The following KIF26A variants were observed in gnomAD, a reference collection of about 807,000 sequenced individuals.
KIF26A encodes the protein kinesin family member 26A, also known as kinesin-like protein KIF26A.
In KIF26A, 74 loss-of-function variants were observed where a neutral mutation model predicts 126.0. The ratio of observed to expected loss-of-function variants is 0.59; its 90% CI spans 0.49 to 0.71. The LOEUF (loss-of-function observed/expected upper bound fraction) is 0.71, where lower values mean the gene tolerates loss of function less well. KIF26A is among the 30% of genes least tolerant of loss of function. The probability of loss-of-function intolerance (pLI) is 0.00; values close to 1 mark genes in which losing one functional copy is unlikely to be tolerated. For synonymous variants in KIF26A, 1,445 were observed against 1,232.7 expected (o/e 1.17, Z -3.61); for missense variants, 2,984 against 2,763.3 (o/e 1.08, Z -1.79).
chr14:104,159,302 G>C (rs1025741749), intron 4 of KIF26A, among the ~76,000 whole-genome samples: 21 of 152,388 alleles, frequency 1.4e-4, no homozygotes, highest in African/African-American at 5.0e-4. Flanking sequence ...TAAAGGGCCT[G>C]TGCGGCTGTT....
In KIF26A at chr14:104,172,782, C is replaced by T. The variant is rs568024929; in HGVS notation, c.1420+114C>T. The T allele has an allele frequency of 2.1e-4, 226 of 1,069,914 alleles. 2 individuals are homozygous for T. In the Middle Eastern group the frequency reaches 3.6e-3, roughly 17 times the overall value. The allele number at this position is 1,069,914 out of a possible 1,614,324, so 66.3% of individuals were successfully genotyped here. A position where few individuals can be genotyped will look rare whatever the true frequency, so the allele number is the denominator to read the frequency against. ...AAGGAGGCTGGTCCTACACATGGGC[C>T]GTGGTGGGCATATGGGGTGAGGGGC... On this transcript the variant is annotated intron_variant, in intron 7 of 14. Coordinates refer to ENST00000423312, the MANE Select transcript of KIF26A (RefSeq NM_015656.2).
In KIF26A at chr14:104,179,366, C is replaced by T. The variant is rs372414948; in HGVS notation, c.5447C>T (p.Pro1816Leu). ...ACCCAGGGCCGGCTGATGCTGGAGC[C>T]TGGCCGCTGGCTGGAGCAGTGTGAG... ...AETQGRLMLE[P>L]GRWLEQFEVD... Residue 1816 changes from proline (P) to leucine (L), a missense_variant, in exon 14 of 15, where the codon CCT becomes CTT. Coordinates refer to ENST00000423312, the MANE Select transcript of KIF26A (RefSeq NM_015656.2). 497 of 1,531,176 alleles carry T rather than the reference C, an allele frequency of 3.2e-4. 2 individuals are homozygous for T. Among genetic ancestry groups the T allele is most frequent in the Non-Finnish European group, 4.1e-4 (471 of 1,142,520 alleles). The allele number at this position is 1,531,176 out of a possible 1,614,324, so 94.8% of individuals were successfully genotyped here. A position where few individuals can be genotyped will look rare whatever the true frequency, so the allele number is the denominator to read the frequency against.
Position 104,179,934 on chromosome 14 carries a change from G to C in KIF26A, c.*144G>C. The C allele has an allele frequency of 2.2e-6, 2 of 912,482 alleles. No individual in the cohort carries two copies. Among genetic ancestry groups the C allele is most frequent in the Non-Finnish European group, 3.2e-6 (2 of 634,502 alleles). 56.5% of individuals were successfully genotyped at this position (912,482 alleles called of 1,614,324 possible). On this transcript the variant is annotated 3_prime_UTR_variant, in exon 15 of 15. Transcript: ENST00000423312. ...GGGAGTCTCAGAGAGGAGACGGAGT[G>C]TGGGGGAGGGAGGGCCGGCCACGCG...
Position 104,166,985 on chromosome 14 carries a change from G to C in KIF26A, c.1050G>C (p.Pro350=). ...FSGVLQLWPP[P]APPCLLRAAS... is the part of the protein sequence containing the mutation. ...GGGTCCTGCAGCTGTGGCCGCCCCC[G>C]GCGCCCCCCTGCCTGCTCAGGGCCG... is the stretch of plus-strand genomic sequence containing the variant. Residue 350 remains proline (P), a synonymous_variant, in exon 5 of 15, where the codon CCG becomes CCC. Coordinates refer to ENST00000423312, the MANE Select transcript of KIF26A (RefSeq NM_015656.2). The C allele has an allele frequency of 1.3e-6, 2 of 1,584,250 alleles. No individual in the cohort carries two copies. Among genetic ancestry groups the C allele is most frequent in the South Asian group, 1.2e-5 (1 of 86,920 alleles).
intron 3 of KIF26A, among the ~76,000 whole-genome samples, chr14:104,156,398 T>C (rs2037777678): frequency 6.6e-6 from 1 of 152,108 alleles, no homozygotes; most frequent in Non-Finnish European, 1.5e-5. Context: ...CAATGTCCAG[T>C]GAGCTGTTCC....
At position 104,173,799 on chromosome 14, in the gene KIF26A, G is replaced by A; in HGVS notation, c.1961G>A (p.Cys654Tyr). 1.2e-6 allele frequency: 2 copies of A among 1,605,248 alleles called. No individual in the cohort carries two copies. Among genetic ancestry groups the A allele is most frequent in the East Asian group, 4.5e-5 (2 of 44,868 alleles). The change falls in exon 10 of 15, where the codon TGT becomes TAT. Residue 654 changes from cysteine to tyrosine, a missense_variant. Coordinates refer to ENST00000423312, the MANE Select transcript of KIF26A (RefSeq NM_015656.2). ...RAGEAAGGPL[C>Y]LSLSALGSVI... ...GGGGAGGCTGCTGGGGGTCCCCTGT[G>A]TCTGTCCCTGTCGGCCCTGGGCAGC...
chr14:104,177,276 TGGAGGC>T lies in KIF26A; in HGVS notation c.4489_4494del (p.Gly1497_Gly1498del). On this transcript the variant is annotated inframe_deletion, in exon 12 of 15. Transcript: ENST00000423312. Reference sequence around the variant, plus strand: ...TGGGGGCCCCCAAGCCCCCTGTTGGTGGAGGCAAGGGCCGTGGCCTAGTGGCTGGTG... The same window carrying T: ...TGGGGGCCCCCAAGCCCCCTGTTGGTAAGGGCCGTGGCCTAGTGGCTGGTG... 6.3e-7 allele frequency: 1 copy of T among 1,592,180 alleles called. No homozygotes were observed. Among genetic ancestry groups the T allele is most frequent in the South Asian group, 1.1e-5 (1 of 88,472 alleles).
intron 4 of KIF26A, among the ~76,000 whole-genome samples, chr14:104,162,416 A>G (rs2037841884): frequency 1.3e-5 from 2 of 152,114 alleles, no homozygotes; most frequent in South Asian, 4.1e-4. Flanking sequence ...TGTGCTGCGG[A>G]CGCTGCTCCT....
chr14:104,179,524 T>C (rs2038077196), intron 14 of KIF26A, 85 bp from the exon 15 acceptor site: 3 of 1,436,316 alleles, frequency 2.1e-6, no homozygotes, highest in Non-Finnish European at 2.8e-6. Flanking sequence ...CCAAGATGCC[T>C]TTCCTGGGGC....
chr14:104,176,422 C>T lies in KIF26A; in HGVS notation c.3634C>T (p.Arg1212Trp), dbSNP rs200700317. ...CCAGACCATCCACTCCAGCCTCCCC[C>T]GGAAACCGAGGACTGCCTCTGCCAC... Reference protein sequence around the residue: ...AAQTIHSSLPRKPRTASATTR... With the variant: ...AAQTIHSSLPWKPRTASATTR... Residue 1212 changes from arginine (R) to tryptophan (W), a missense_variant, in exon 12 of 15, where the codon CGG becomes TGG. Coordinates refer to ENST00000423312, the MANE Select transcript of KIF26A (RefSeq NM_015656.2). 554 of 1,594,404 alleles carry T rather than the reference C, an allele frequency of 3.5e-4. 2 individuals are homozygous for T. The highest frequency in any genetic ancestry group is 5.0e-4 in the Middle Eastern group (3 of 6,034).
rs1342656696 is a variant in KIF26A, at chr14:104,151,443, C to T, written c.289-572C>T. Among the ~76,000 whole-genome samples, 3 of 152,218 alleles carry T rather than the reference C, an allele frequency of 2.0e-5. No individual in the cohort carries two copies. The highest frequency in any genetic ancestry group is 1.3e-4 in the Admixed American group (2 of 15,290). ...TACCCGATCCTGCGGCTCTTGCGCCCCTTCGGTGAGCTCATGTGCCCTCTA... is the reference window on the plus strand; with the variant it reads ...TACCCGATCCTGCGGCTCTTGCGCCTCTTCGGTGAGCTCATGTGCCCTCTA... On this transcript the variant is annotated intron_variant, in intron 2 of 14. Coordinates refer to ENST00000423312, the MANE Select transcript of KIF26A (RefSeq NM_015656.2). The surrounding 1 kb of genome is among the most constrained non-coding windows in gnomAD (Gnocchi z 4.9).
At chr14:104,169,676 G>C (rs1054123276) in intron 5 of KIF26A, among the ~76,000 whole-genome samples, 2 of 152,250 alleles carry the variant, frequency 1.3e-5, no homozygotes, top group Non-Finnish European at 2.9e-5. Flanking sequence ...TGCTACTTAA[G>C]ATAATTCATC....
intron 2 of KIF26A, among the ~76,000 whole-genome samples, chr14:104,147,405 G>A (rs1023142436): frequency 9.2e-5 from 14 of 152,142 alleles, no homozygotes; most frequent in Non-Finnish European, 1.9e-4. Context: ...TTGTGTCCCC[G>A]CTCCCTCCCC....
intron 4 of KIF26A, among the ~76,000 whole-genome samples, chr14:104,161,939 A>G (rs1336130497): frequency 1.3e-5 from 2 of 152,200 alleles, no homozygotes; most frequent in Non-Finnish European, 2.9e-5. Flanking sequence ...GGGTGTGGGC[A>G]GTGTCTGCTG....
chr14:104,142,300 A>C (rs574730712), intron 2 of KIF26A, among the ~76,000 whole-genome samples: 5 of 152,046 alleles, frequency 3.3e-5, no homozygotes, highest in Non-Finnish European at 7.4e-5. Flanking sequence ...GGGAAGCCCC[A>C]TGATGGGACT....
chr14:104,178,410 A>G, intron 12 of KIF26A, 140 bp from the exon 13 acceptor site: 1 of 624,724 alleles, frequency 1.6e-6, no homozygotes, highest in East Asian at 3.2e-5. Flanking sequence ...CCCTGGGCAG[A>G]GCGCCAGCCT....
rs79235393 is a variant in KIF26A at position 104,175,720 on chromosome 14, C to G, written c.2932C>G (p.Arg978Gly). Reference sequence around the variant, plus strand: ...GGGAGGGGGCACTGATGGAGTGGCACGGACCCCTCCCGTGGGCATGAGTGG... The same window carrying G: ...GGGAGGGGGCACTGATGGAGTGGCAGGGACCCCTCCCGTGGGCATGAGTGG... The part of the protein sequence containing the change: ...PGGGGTDGVA[R>G]TPPVGMSGQV... The change falls in exon 12 of 15, where the codon CGG becomes GGG. Residue 978 changes from arginine to glycine, a missense_variant. Physicochemically the swap from Arg to Gly is moderately radical, Grantham distance 125. Coordinates refer to ENST00000423312, the MANE Select transcript of KIF26A (RefSeq NM_015656.2). The G allele has an allele frequency of 2.5e-6, 4 of 1,581,806 alleles. No homozygotes were observed. Among genetic ancestry groups the G allele is most frequent in the Non-Finnish European group, 3.4e-6 (4 of 1,165,394 alleles).
intron 5 of KIF26A, among the ~76,000 whole-genome samples, chr14:104,167,977 G>A (rs550067419): frequency 6.6e-6 from 1 of 152,184 alleles, no homozygotes; most frequent in Non-Finnish European, 1.5e-5. Context: ...AGGGGACGCT[G>A]TGCCCACGTT....
At chr14:104,179,554 T>A (rs1227017999) in intron 14 of KIF26A, 55 bp from the exon 15 acceptor site, 2 of 1,454,020 alleles carry the variant, frequency 1.4e-6, no homozygotes, top group African/African-American at 2.9e-5. Context: ...GCCAGGTGGC[T>A]GCCCCCAGCC....
Sources: allele counts gnomAD v4.1 joint callset (sites outside exome capture counted in the v4.1 genomes callset), GRCh38; gene constraint gnomAD v4.1.1; non-coding constraint Gnocchi (gnomAD v3.1); transcripts MANE v1.5; gene names NCBI Gene and HGNC (gene_info 2026-07-23, HGNC 2026-07-21).